FOXP1: variants seen among roughly 807,000 people sequenced by gnomAD.
FOXP1 encodes forkhead box protein P1.
In FOXP1, 15 loss-of-function variants were observed where a neutral mutation model predicts 98.2. The observed-to-expected ratio is 0.15, with a 90% CI of 0.10 to 0.24. The LOEUF is 0.24. Among genes scored for constraint, FOXP1 ranks in the 10% least tolerant of loss-of-function variants. FOXP1 has a pLI of 1.00. For missense variants in FOXP1, 633 were observed against 848.5 expected (o/e 0.75, Z 3.15); for synonymous variants, 371 against 314.5 (o/e 1.18, Z -1.90).
intron 5 of FOXP1, among the ~76,000 whole-genome samples, chr3:71,207,641 G>T (rs137864635): frequency 6.6e-6 from 1 of 152,054 alleles, no homozygotes; most frequent in Non-Finnish European, 1.5e-5. Flanking sequence ...CCTCACCCTG[G>T]TCGGTGTTGT....
At chr3:71,502,134 A>T (rs976792203) in intron 2 of FOXP1, among the ~76,000 whole-genome samples, 2 of 152,202 alleles carry the variant, frequency 1.3e-5, no homozygotes, top group African/African-American at 4.8e-5. Flanking sequence ...TCATTTTCAC[A>T]AATACCTTCC....
At chr3:71,208,053 CA>C (rs1382300666) in intron 5 of FOXP1, among the ~76,000 whole-genome samples, 2 of 152,176 alleles carry the variant, frequency 1.3e-5, no homozygotes, top group East Asian at 3.8e-4. Flanking sequence ...TCATTTATGG[CA>C]GGGGGGATTT....
chr3:70,973,230 G>A (rs2036678055), intron 17 of FOXP1, among the ~76,000 whole-genome samples: 1 of 141,850 alleles, frequency 7.0e-6, no homozygotes, highest in East Asian at 2.7e-4. Context: ...GTGGTGAACG[G>A]ACCCCCCGCC....
chr3:71,419,056 G>A (rs758587933), intron 3 of FOXP1, among the ~76,000 whole-genome samples: 2 of 151,592 alleles, frequency 1.3e-5, no homozygotes, highest in African/African-American at 2.4e-5. Context: ...CCAACATGGT[G>A]AAACCCCATC....
intron 6 of FOXP1, among the ~76,000 whole-genome samples, chr3:71,159,637 T>G (rs945419828): frequency 3.3e-5 from 5 of 152,096 alleles, no homozygotes; most frequent in African/African-American, 1.2e-4. Context: ...TGAGGTGGAG[T>G]TGAGACCAAC....
intron 3 of FOXP1, among the ~76,000 whole-genome samples, chr3:71,394,650 C>T (rs943435509): frequency 2.6e-5 from 4 of 152,258 alleles, no homozygotes; most frequent in Non-Finnish European, 5.9e-5. Flanking sequence ...CAGGTAGCTG[C>T]CATTTCATCA....
intron 2 of FOXP1, among the ~76,000 whole-genome samples, chr3:71,550,332 G>A (rs986792532): frequency 7.9e-5 from 12 of 152,128 alleles, no homozygotes; most frequent in Admixed American, 4.6e-4. Flanking sequence ...CCACTTATCC[G>A]CTGTTGACCG....
chr3:71,015,702 C>G (rs746802815), intron 11 of FOXP1, 49 bp from the exon 12 acceptor site: 8 of 1,308,634 alleles, frequency 6.1e-6, no homozygotes, highest in Middle Eastern at 1.8e-4. Context: ...CTGCCAAGAA[C>G]CATTCCACCA....
At chr3:71,299,371 G>C (rs1250549065) in intron 5 of FOXP1, among the ~76,000 whole-genome samples, 1 of 152,148 alleles carries the variant, frequency 6.6e-6, no homozygotes, top group Non-Finnish European at 1.5e-5. Flanking sequence ...GTGCCTGACT[G>C]TTAATTTCTG....
At chr3:71,233,331 TA>T (rs2066489764) in intron 5 of FOXP1, among the ~76,000 whole-genome samples, 1 of 151,966 alleles carries the variant, frequency 6.6e-6, no homozygotes, top group African/African-American at 2.4e-5. Context: ...GTCCAACTCA[TA>T]AAAAACTGAG....
At chr3:71,266,655 T>C (rs1482570088) in intron 5 of FOXP1, among the ~76,000 whole-genome samples, 2 of 152,226 alleles carry the variant, frequency 1.3e-5, no homozygotes, top group Non-Finnish European at 2.9e-5. Flanking sequence ...ATGCTGAAGT[T>C]TGGGCTTCTA....
chr3:71,069,623 C>CG (rs929337664), intron 7 of FOXP1, among the ~76,000 whole-genome samples: 1 of 152,040 alleles, frequency 6.6e-6, no homozygotes, highest in Non-Finnish European at 1.5e-5. Context: ...CTTCAGATAT[C>CG]GGGGGGAAAA....
intron 1 of FOXP1, chr3:71,582,491 G>A (rs1278596484): frequency 2.0e-6 from 2 of 985,344 alleles, no homozygotes; most frequent in African/African-American, 3.5e-5. Context: ...GGAAGGCTGC[G>A]CGCAAGCGAG....
chr3:71,052,762 G>A (rs1359290523), intron 8 of FOXP1, 136 bp from the exon 9 acceptor site: 6 of 703,996 alleles, frequency 8.5e-6, no homozygotes, highest in East Asian at 2.7e-5. Flanking sequence ...TTTGAAACTC[G>A]ACAATAAATT....
At chr3:70,960,339 C>CGGCTG (rs1376829069) in intron 20 of FOXP1, among the ~76,000 whole-genome samples, 1 of 152,140 alleles carries the variant, frequency 6.6e-6, no homozygotes, top group Non-Finnish European at 1.5e-5. Flanking sequence ...ACATGAGGCC[C>CGGCTG]GGCTGGTAGC....
rs1463843393 is a variant in FOXP1 at position 71,396,984 on chromosome 3, G to GTA, written c.-167-37742_-167-37741dup. Among the ~76,000 whole-genome samples, 191 of 20,834 alleles carry GTA rather than the reference G, an allele frequency of 9.2e-3. 29 individuals carry two copies. The Middle Eastern group carries it at 0.16, about 17-fold the overall frequency. 13.7% of individuals were successfully genotyped at this position (20,834 alleles called of 152,430 possible). The stretch of plus-strand genomic sequence containing the variant: ...TATATGTGTGTATATATATATATGT[G>GTA]TATATATATACACATATATATGTGT... On this transcript the variant is annotated intron_variant, in intron 3 of 20. Coordinates refer to ENST00000649528, the MANE Select transcript of FOXP1 (RefSeq NM_001349338.3).
At chr3:71,393,317 G>GT (rs145746297) in intron 3 of FOXP1, among the ~76,000 whole-genome samples, 2,599 of 150,512 alleles carry the variant, frequency 0.017, 75 homozygotes, top group African/African-American at 0.06. Context: ...TTGATCCTCA[G>GT]TTTTTTTTTG....
intron 12 of FOXP1, among the ~76,000 whole-genome samples, chr3:71,012,694 T>A (rs1329164097): frequency 6.6e-6 from 1 of 152,070 alleles, no homozygotes; most frequent in African/African-American, 2.4e-5. Context: ...ATCGGGTCCA[T>A]AAAGATAGAT....
chr3:71,536,911 G>A (rs762512973), intron 2 of FOXP1, among the ~76,000 whole-genome samples: 2 of 152,062 alleles, frequency 1.3e-5, no homozygotes, highest in South Asian at 4.1e-4. Context: ...GAATAGCAGC[G>A]ATGACGGCCA....
Sources: allele counts gnomAD v4.1 joint callset (sites outside exome capture counted in the v4.1 genomes callset), GRCh38; gene constraint gnomAD v4.1.1; transcripts MANE v1.5; gene names NCBI Gene and HGNC (gene_info 2026-07-23, HGNC 2026-07-21).